Variants in FRMPD4 observed in about 807,000 individuals in gnomAD.
FRMPD4 encodes the protein FERM and PDZ domain-containing protein 4.
Under a neutral mutation model 94.1 loss-of-function variants are expected in FRMPD4, and 22 were observed. That is an observed-to-expected ratio of 0.23 (90% CI 0.17 to 0.33). The LOEUF (loss-of-function observed/expected upper bound fraction) is 0.33, where lower values mean the gene tolerates loss of function less well. Ranked by LOEUF, FRMPD4 falls within the 10% of genes least tolerant of loss-of-function variation. FRMPD4 has a pLI of 1.00. For missense variants in FRMPD4, 1,111 were observed against 1,339.9 expected (o/e 0.83, Z 2.67); for synonymous variants, 631 against 548.6 (o/e 1.15, Z -2.10).
intron 2 of FRMPD4, among the ~76,000 whole-genome samples, chrX:12,522,629 G>T (rs2058177040): frequency 1.2e-5 from 1 of 81,752 alleles, no homozygotes. Context: ...TTGAGACAGA[G>T]TCTCACTCTG....
At chrX:11,992,987 G>GTTTTT (rs58882086) in intron 3 of FRMPD4, among the ~76,000 whole-genome samples, 1 of 89,297 alleles carries the variant, frequency 1.1e-5, no homozygotes, top group Admixed American at 1.2e-4. Context: ...CTGGTCCTTT[G>GTTTTT]TTTTTTTTTT....
At chrX:12,345,341 A>ACCC (rs2055689473) in intron 1 of FRMPD4, among the ~76,000 whole-genome samples, 1 of 111,676 alleles carries the variant, frequency 9.0e-6, no homozygotes, top group African/African-American at 3.3e-5. Context: ...CAGCCTGGTT[A>ACCC]TGGATGTGTG....
intron 3 of FRMPD4, among the ~76,000 whole-genome samples, chrX:12,014,062 A>C (rs895998613): frequency 8.9e-5 from 10 of 111,877 alleles, no homozygotes; most frequent in Non-Finnish European, 1.7e-4. Flanking sequence ...TACTAGAGCC[A>C]GGTCTCACTT....
At chrX:12,225,331 G>A (rs911686553) in intron 1 of FRMPD4, among the ~76,000 whole-genome samples, 2 of 112,067 alleles carry the variant, frequency 1.8e-5, no homozygotes, top group Non-Finnish European at 3.8e-5. Context: ...CCCAAGGGAA[G>A]AGGAAACAGA....
At chrX:11,851,447 G>A (rs1247124310) in intron 1 of FRMPD4, among the ~76,000 whole-genome samples, 3 of 111,089 alleles carry the variant, frequency 2.7e-5, no homozygotes, top group African/African-American at 9.8e-5. Flanking sequence ...TATGTCACAT[G>A]TTCCACGGCC....
intron 3 of FRMPD4, among the ~76,000 whole-genome samples, chrX:12,011,243 C>T (rs2054579288): frequency 8.9e-6 from 1 of 111,855 alleles, no homozygotes; most frequent in African/African-American, 3.3e-5. Flanking sequence ...TACCTTCATG[C>T]TGCTTCACAC....
chrX:11,956,410 T>C (rs746840021), intron 3 of FRMPD4, among the ~76,000 whole-genome samples: 1 of 111,652 alleles, frequency 9.0e-6, no homozygotes, highest in Admixed American at 9.5e-5. Flanking sequence ...AGGGGGGAGA[T>C]TTCTTTAGAG....
At chrX:11,911,993 C>T (rs183901668) in intron 3 of FRMPD4, among the ~76,000 whole-genome samples, 3,178 of 111,315 alleles carry the variant, frequency 0.029, 58 homozygotes, top group African/African-American at 0.067. Flanking sequence ...GTTTAATTGA[C>T]TGGCTGGTTA....
At chrX:11,858,644 C>G (rs1329502129) in intron 1 of FRMPD4, among the ~76,000 whole-genome samples, 1 of 111,126 alleles carries the variant, frequency 9.0e-6, no homozygotes, top group African/African-American at 3.3e-5. Context: ...GTACAACAAA[C>G]CCCCATGACA....
At chrX:12,495,820 C>G (rs1192896512) in intron 1 of FRMPD4, among the ~76,000 whole-genome samples, 2 of 112,050 alleles carry the variant, frequency 1.8e-5, no homozygotes, top group African/African-American at 6.5e-5. Flanking sequence ...AATACCAATG[C>G]CTAGGCCCTA....
intron 1 of FRMPD4, among the ~76,000 whole-genome samples, chrX:12,363,076 G>GT (rs1230082168): frequency 2.7e-5 from 3 of 111,674 alleles, no homozygotes; most frequent in Non-Finnish European, 5.6e-5. Context: ...TTGTAAATTT[G>GT]TTTAAGTTCT....
At position 12,382,530 on chromosome X, in the gene FRMPD4, G is replaced by GCATAGCATAGCAT. The variant is rs60602906; in HGVS notation, c.42-116150_42-116149insCATAGCATAGCAT. ...GCATAGCATAGCATAGCATAGCATA[G>GCATAGCATAGCAT]AGCATAGCATAGCATAGCATAGCAT... On this transcript the variant is annotated intron_variant, in intron 1 of 16. Transcript: ENST00000675598. Among the ~76,000 whole-genome samples the GCATAGCATAGCAT allele has an allele frequency of 6.7e-3, 303 of 45,552 alleles. 16 individuals carry two copies. The highest frequency in any genetic ancestry group is 0.03 in the African/African-American group (255 of 8,641). 39.6% of individuals were successfully genotyped at this position (45,552 alleles called of 115,157 possible). A position where few individuals can be genotyped will look rare whatever the true frequency, so the allele number is the denominator to read the frequency against.
intron 1 of FRMPD4, among the ~76,000 whole-genome samples, chrX:12,145,505 T>C: frequency 8.8e-6 from 1 of 113,002 alleles, no homozygotes. Context: ...CCAACTGAAT[T>C]GTGGCTCAGG....
chrX:11,914,592 G>A (rs1486947425), intron 3 of FRMPD4, among the ~76,000 whole-genome samples: 1 of 111,937 alleles, frequency 8.9e-6, no homozygotes, highest in Non-Finnish European at 1.9e-5. Context: ...GTATGCGTGT[G>A]TTGTAGAGCT....
intron 1 of FRMPD4, among the ~76,000 whole-genome samples, chrX:12,316,452 C>T (rs2055118442): frequency 8.9e-6 from 1 of 111,773 alleles, no homozygotes; most frequent in Non-Finnish European, 1.9e-5. Context: ...CGTGCCCAGC[C>T]CATTTCCAGA....
intron 14 of FRMPD4, among the ~76,000 whole-genome samples, chrX:12,711,523 G>A (rs1390329298): frequency 9.0e-6 from 1 of 111,316 alleles, no homozygotes; most frequent in Non-Finnish European, 1.9e-5. Flanking sequence ...GACAGTAGGT[G>A]GTTTTCATTG....
chrX:12,387,368 C>G (rs1569256243), intron 1 of FRMPD4, among the ~76,000 whole-genome samples: 1 of 111,969 alleles, frequency 8.9e-6, no homozygotes, highest in South Asian at 3.7e-4. Context: ...ACCTAAGCCT[C>G]TAAGAAATTC....
At chrX:12,487,164 G>A (rs1027706678) in intron 1 of FRMPD4, among the ~76,000 whole-genome samples, 1 of 111,588 alleles carries the variant, frequency 9.0e-6, no homozygotes, top group African/African-American at 3.3e-5. Context: ...CCATAAATCT[G>A]TTTTCCCTAT....
At chrX:12,339,776 C>T (rs2055582658) in intron 1 of FRMPD4, among the ~76,000 whole-genome samples, 1 of 111,223 alleles carries the variant, frequency 9.0e-6, no homozygotes, top group South Asian at 3.9e-4. Flanking sequence ...GCCACCATGC[C>T]TGGCTAATTT....
Sources: allele counts gnomAD v4.1 joint callset (sites outside exome capture counted in the v4.1 genomes callset), GRCh38; gene constraint gnomAD v4.1.1; transcripts MANE v1.5; gene names NCBI Gene and HGNC (gene_info 2026-07-23, HGNC 2026-07-21).